The following ZFHX4 variants were observed in gnomAD, a reference collection of about 807,000 sequenced individuals.
ZFHX4 encodes zinc finger homeobox protein 4.
Under a neutral mutation model 267.6 loss-of-function variants are expected in ZFHX4, and 56 were observed. The observed-to-expected ratio is 0.21, with a 90% CI of 0.17 to 0.26. The LOEUF (loss-of-function observed/expected upper bound fraction) is 0.26, where lower values mean the gene tolerates loss of function less well. ZFHX4 is among the 10% of genes least tolerant of loss of function. The pLI is 1.00. For missense variants in ZFHX4, 4,332 were observed against 4,420.0 expected (o/e 0.98, Z 0.56); for synonymous variants, 1,778 against 1,665.6 (o/e 1.07, Z -1.64).
At chr8:76,723,684 G>A (rs1808781861) in intron 3 of ZFHX4, among the ~76,000 whole-genome samples, 1 of 151,644 alleles carries the variant, frequency 6.6e-6, no homozygotes, top group African/African-American at 2.4e-5. Context: ...TTGCTCTGGG[G>A]GAGTTTGTGG....
At chr8:76,745,653 T>C (rs1399055936) in intron 3 of ZFHX4, among the ~76,000 whole-genome samples, 1 of 152,146 alleles carries the variant, frequency 6.6e-6, no homozygotes, top group Non-Finnish European at 1.5e-5. Context: ...TGAGAGTCTG[T>C]AGCAGAGTCA....
intron 3 of ZFHX4, among the ~76,000 whole-genome samples, chr8:76,717,306 T>G (rs954516933): frequency 6.6e-6 from 1 of 152,330 alleles, no homozygotes; most frequent in Middle Eastern, 3.4e-3. Context: ...TCCTCTCTCC[T>G]CCTCAAAATT....
At chr8:76,832,866 ATTC>A (rs1811972331) in intron 4 of ZFHX4, among the ~76,000 whole-genome samples, 1 of 152,182 alleles carries the variant, frequency 6.6e-6, no homozygotes, top group African/African-American at 2.4e-5. Flanking sequence ...ACTTGGACTT[ATTC>A]TTCAGGTGCC....
In ZFHX4 at chr8:76,835,239, A is replaced by G. The variant is rs60070183; in HGVS notation, c.3394+1833A>G. Among the ~76,000 whole-genome samples the G allele has an allele frequency of 4.6e-4, 32 of 69,900 alleles. 1 individual carries two copies. The highest frequency in any genetic ancestry group is 7.5e-4 in the African/African-American group (9 of 11,936). The allele number at this position is 69,900 out of a possible 152,430, so 45.9% of individuals were successfully genotyped here. ...TATATGTATATATATATATATATATATGTATATATATATATATATATTCAT... is the reference window on the plus strand; with the variant it reads ...TATATGTATATATATATATATATATGTGTATATATATATATATATATTCAT... On this transcript the variant is annotated intron_variant, in intron 5 of 10. Coordinates refer to ENST00000651372, the MANE Select transcript of ZFHX4 (RefSeq NM_024721.5).
chr8:76,740,847 A>G (rs1158686523), intron 3 of ZFHX4, among the ~76,000 whole-genome samples: 2 of 152,198 alleles, frequency 1.3e-5, no homozygotes, highest in Non-Finnish European at 2.9e-5. Flanking sequence ...AGGAGCAATG[A>G]GTACAGTTTG....
intron 4 of ZFHX4, among the ~76,000 whole-genome samples, chr8:76,832,473 C>T (rs1272069588): frequency 6.6e-6 from 1 of 151,982 alleles, no homozygotes; most frequent in South Asian, 2.1e-4. Context: ...AAAGATGACT[C>T]CTGAGATTTT....
In ZFHX4 at chr8:76,851,610, T is replaced by C; in HGVS notation, c.4689T>C (p.Val1563=). 6.2e-7 allele frequency: 1 copy of C among 1,613,838 alleles called. No individual in the cohort carries two copies. Among genetic ancestry groups the C allele is most frequent in the South Asian group, 1.1e-5 (1 of 91,070 alleles). Residue 1563 remains valine (V), a synonymous_variant, in exon 10 of 11, where the codon GTT becomes GTC. Transcript: ENST00000651372. The part of the protein sequence containing the change: ...KNILLVHYNS[V]SHLHKLKKVL... ...TTCTCTTGGTCCACTATAATTCAGT[T>C]TCTCACTTGCATAAGCTGAAAAAAG...
chr8:76,699,946 G>T (rs949406710), intron 1 of ZFHX4, among the ~76,000 whole-genome samples: 3 of 151,590 alleles, frequency 2.0e-5, no homozygotes, highest in African/African-American at 7.3e-5. Context: ...TACTTGTGAA[G>T]GTCTATTCAT....
chr8:76,721,931 GCTAA>G (rs1285401410), intron 3 of ZFHX4, among the ~76,000 whole-genome samples: 7 of 151,930 alleles, frequency 4.6e-5, no homozygotes, highest in African/African-American at 9.7e-5. Context: ...TACTTTTCTT[GCTAA>G]CTGACAGGAT....
At position 76,849,183 on chromosome 8, in the gene ZFHX4, A is replaced by G. The variant is rs1275174333; in HGVS notation, c.3645+55A>G. On this transcript the variant is annotated intron_variant, in intron 7 of 10. Transcript: ENST00000651372. ...AAATCTTTATTTTTTATTGCTCCTG[A>G]TAGTTTTAAAGCCCCAAATGATTCC... The G allele has an allele frequency of 3.3e-6, 5 of 1,496,056 alleles. No individual in the cohort carries two copies. In the African/African-American group the frequency reaches 4.2e-5, roughly 13 times the overall value. 92.7% of individuals were successfully genotyped at this position (1,496,056 alleles called of 1,614,324 possible).
Position 76,837,488 on chromosome 8 carries a change from A to C in ZFHX4, c.3394+4082A>C, listed in dbSNP as rs568417170. On this transcript the variant is annotated intron_variant, in intron 5 of 10. Coordinates refer to ENST00000651372, the MANE Select transcript of ZFHX4 (RefSeq NM_024721.5). The stretch of plus-strand genomic sequence containing the variant: ...TATGATTTGGTAAAGAGGGAAATGC[A>C]AAAAGAAAAAAAAAAAAAACCAAAG... 1.0e-4 allele frequency among the ~76,000 whole-genome samples: 14 copies of C among 136,406 alleles called. No homozygotes were observed. The East Asian group carries it at 2.6e-3, about 25-fold the overall frequency. The allele number at this position is 136,406 out of a possible 152,430, so 89.5% of individuals were successfully genotyped here. A position where few individuals can be genotyped will look rare whatever the true frequency, so the allele number is the denominator to read the frequency against.
Position 76,778,243 on chromosome 8 carries a change from A to C in ZFHX4, c.3129A>C (p.Glu1043Asp). 1 of 1,613,566 alleles carries C rather than the reference A, an allele frequency of 6.2e-7. No individual in the cohort carries two copies. Among genetic ancestry groups the C allele is most frequent in the Non-Finnish European group, 8.5e-7 (1 of 1,179,626 alleles). The change falls in exon 4 of 11, where the codon GAA (glutamate) becomes GAC (aspartate). Residue 1043 changes from glutamate to aspartate, a missense_variant. Around this residue, in one of 7 missense-constraint regions of ZFHX4, gnomAD observed 1,371 missense variants for 1,423.1 expected, o/e 0.96. Coordinates refer to ENST00000651372, the MANE Select transcript of ZFHX4 (RefSeq NM_024721.5). ...AGCAAGAGGGTGCAGTGAATCCCGA[A>C]TCCTGCTATTACTACTGTGCCGTGT... ...LQKQEGAVNPESCYYYCAVCD... is the reference protein window; with the variant it reads ...LQKQEGAVNPDSCYYYCAVCD...
chr8:76,825,919 A>G (rs1443907342), intron 4 of ZFHX4, among the ~76,000 whole-genome samples: 2 of 152,224 alleles, frequency 1.3e-5, no homozygotes, highest in Admixed American at 1.3e-4. Context: ...ACCAAATAAT[A>G]TCACTGAGCC....
At chr8:76,699,781 T>C (rs1160273216) in intron 1 of ZFHX4, among the ~76,000 whole-genome samples, 1 of 151,892 alleles carries the variant, frequency 6.6e-6, no homozygotes, top group African/African-American at 2.4e-5. Flanking sequence ...AATTCTTTTT[T>C]TTTTCTTTCT....
chr8:76,838,229 C>A (rs1465460572), intron 5 of ZFHX4, among the ~76,000 whole-genome samples: 3 of 152,146 alleles, frequency 2.0e-5, no homozygotes, highest in Admixed American at 2.0e-4. Context: ...CCTGGAAACT[C>A]AACAGAGAGG....
At chr8:76,805,068 T>C (rs1017668529) in intron 4 of ZFHX4, among the ~76,000 whole-genome samples, 2 of 152,096 alleles carry the variant, frequency 1.3e-5, no homozygotes, top group African/African-American at 4.8e-5. Flanking sequence ...ATTAAGGATT[T>C]CTGTTCTACT....
At chr8:76,691,824 C>T (rs1022859717) in intron 1 of ZFHX4, among the ~76,000 whole-genome samples, 1 of 152,038 alleles carries the variant, frequency 6.6e-6, no homozygotes, top group African/African-American at 2.4e-5. Context: ...TCCGTATGTT[C>T]CTTTTTTGTT....
At chr8:76,815,834 C>T (rs552753021) in intron 4 of ZFHX4, among the ~76,000 whole-genome samples, 32 of 152,274 alleles carry the variant, frequency 2.1e-4, no homozygotes, top group South Asian at 1.9e-3. Flanking sequence ...TAAACCCAAA[C>T]GCCCCACCTG....
intron 3 of ZFHX4, among the ~76,000 whole-genome samples, chr8:76,744,558 A>G (rs992766599): frequency 2.0e-5 from 3 of 151,908 alleles, no homozygotes; most frequent in Non-Finnish European, 4.4e-5. Flanking sequence ...GACTACAGGC[A>G]TGTGCCATTA....
Sources: gnomAD v4.1 joint callset for allele counts (sites outside exome capture counted in the v4.1 genomes callset) on GRCh38, gnomAD v4.1.1 for gene constraint, gnomAD v4.1.1 regional missense constraint, MANE v1.5 for transcripts, NCBI Gene and HGNC (gene_info 2026-07-23, HGNC 2026-07-21) for gene names.